Variants in ATAD2B observed in about 807,000 individuals in gnomAD.
The protein encoded by ATAD2B is ATPase family AAA domain-containing protein 2B.
In ATAD2B, 40 loss-of-function variants were observed where a neutral mutation model predicts 167.6. That is an observed-to-expected ratio of 0.24 (90% confidence interval 0.19 to 0.31). The LOEUF is 0.31. ATAD2B is among the 10% of genes least tolerant of loss of function. The pLI is 1.00. For missense variants in ATAD2B, 1,242 were observed against 1,757.2 expected, an observed-to-expected ratio of 0.71 and a Z score of 5.24; for synonymous variants, 579 against 596.5, an observed-to-expected ratio of 0.97 and a Z score of 0.43.
intron 12 of ATAD2B, among the ~76,000 whole-genome samples, chr2:23,862,499 C>A (rs1274267462): frequency 7.0e-6 from 1 of 143,116 alleles, no homozygotes; most frequent in Admixed American, 7.4e-5. Context: ...CAGCCTTGAA[C>A]TCCGGGGCTC....
chr2:23,799,035 A>G (rs1473458506), intron 18 of ATAD2B, among the ~76,000 whole-genome samples: 2 of 152,190 alleles, frequency 1.3e-5, no homozygotes, highest in Admixed American at 1.3e-4. Flanking sequence ...ACACACACCA[A>G]TAGGGACCAG....
chr2:23,894,090 A>G (rs1354184476), intron 2 of ATAD2B, among the ~76,000 whole-genome samples: 1 of 152,180 alleles, frequency 6.6e-6, no homozygotes, highest in Non-Finnish European at 1.5e-5. Context: ...TTTTAAAGAA[A>G]TATCTCACTC....
the ATAD2B span, chr2:23,690,544 C>T: frequency 3.9e-5 from 6 of 152,398 alleles, no homozygotes; most frequent in Admixed American, 2.6e-4. Flanking sequence ...TCCTGAGAAG[C>T]GAGTGAGTGG....
At chr2:23,704,129 A>T in the ATAD2B span, among the ~76,000 whole-genome samples, 3 of 152,192 alleles carry the variant, frequency 2.0e-5, no homozygotes, top group African/African-American at 7.2e-5. Context: ...CATCAAGGCT[A>T]CCCTGCTCTC....
rs577342438 is a variant in ATAD2B at position 23,918,114 on chromosome 2, C to T, written c.216+8441G>A. Among the ~76,000 whole-genome samples, 24 of 151,524 alleles carry T rather than the reference C, an allele frequency of 1.6e-4. 2 individuals carry two copies. The highest frequency in any genetic ancestry group is 5.8e-4 in the African/African-American group (24 of 41,326). On this transcript the variant is annotated intron_variant, in intron 1 of 27. Transcript: ENST00000238789. Reference sequence around the variant, plus strand: ...AGGAGCAGTAGCTCACTCCTGTAATCCCACACTTTAGGAAGCCAAGGCAGG... The same window carrying T: ...AGGAGCAGTAGCTCACTCCTGTAATTCCACACTTTAGGAAGCCAAGGCAGG...
chr2:23,718,811 G>A, the ATAD2B span, among the ~76,000 whole-genome samples: 27 of 152,188 alleles, frequency 1.8e-4, no homozygotes, highest in Non-Finnish European at 3.1e-4. Context: ...CAGAGGCCGC[G>A]TGTACTTCCT....
chr2:23,908,796 A>G (rs1701838379), intron 1 of ATAD2B, among the ~76,000 whole-genome samples: 1 of 152,236 alleles, frequency 6.6e-6, no homozygotes, highest in Non-Finnish European at 1.5e-5. Context: ...ACCATGGAAT[A>G]CTATGCAGCC....
At chr2:23,774,446 C>G (rs1389316897) in intron 22 of ATAD2B, among the ~76,000 whole-genome samples, 1 of 152,132 alleles carries the variant, frequency 6.6e-6, no homozygotes, top group South Asian at 2.1e-4. Flanking sequence ...CAGCATGAGA[C>G]CTTGTCTCCA....
chr2:23,811,138 A>G (rs1214503972), intron 17 of ATAD2B: 2 of 152,182 alleles, frequency 1.3e-5, no homozygotes, highest in African/African-American at 2.4e-5. Context: ...GATGCATTAA[A>G]CTCCAGTATC....
the ATAD2B span, among the ~76,000 whole-genome samples, chr2:23,719,047 G>A: frequency 1.3e-5 from 2 of 152,128 alleles, no homozygotes; most frequent in Admixed American, 6.5e-5. Context: ...CTGGGGATTC[G>A]GCCATGGACA....
At chr2:23,843,746 A>G (rs1691304038) in intron 13 of ATAD2B, among the ~76,000 whole-genome samples, 1 of 152,210 alleles carries the variant, frequency 6.6e-6, no homozygotes, top group African/African-American at 2.4e-5. Context: ...AAAAACACTC[A>G]GAAGAACTAG....
At chr2:23,758,957 A>G (rs1676292489) in intron 24 of ATAD2B, among the ~76,000 whole-genome samples, 1 of 152,166 alleles carries the variant, frequency 6.6e-6, no homozygotes, top group Non-Finnish European at 1.5e-5. Context: ...TGGACCCTGG[A>G]ATTTTTAATT....
the ATAD2B span, among the ~76,000 whole-genome samples, chr2:23,686,863 T>C: frequency 6.6e-6 from 1 of 151,212 alleles, no homozygotes; most frequent in Non-Finnish European, 1.5e-5. Context: ...AAGCCCAGGG[T>C]GCCCTGTGGC....
At chr2:23,838,537 T>G (rs1489160757) in intron 13 of ATAD2B, among the ~76,000 whole-genome samples, 1 of 152,216 alleles carries the variant, frequency 6.6e-6, no homozygotes, top group African/African-American at 2.4e-5. Context: ...TCCAAACTAT[T>G]TGACACAATA....
chr2:23,834,788 C>T (rs2149753822), intron 13 of ATAD2B, among the ~76,000 whole-genome samples: 1 of 152,198 alleles, frequency 6.6e-6, no homozygotes, highest in East Asian at 1.9e-4. Context: ...CGCGGTGGTG[C>T]ATGCCTATAA....
At chr2:23,696,438 A>G in the ATAD2B span, 2 of 1,551,206 alleles carry the variant, frequency 1.3e-6, no homozygotes, top group African/African-American at 1.4e-5. This position sits in a 1 kb window ranked among gnomAD's most constrained non-coding sequence, Gnocchi z 5.5. Flanking sequence ...TGTCGGCACA[A>G]TAGCCTCGTC....
the ATAD2B span, among the ~76,000 whole-genome samples, chr2:23,686,932 T>C: frequency 2.6e-5 from 4 of 152,078 alleles, no homozygotes; most frequent in Non-Finnish European, 4.4e-5. Flanking sequence ...AGTGCCTTCT[T>C]GGGAGGAAAG....
intron 1 of ATAD2B, among the ~76,000 whole-genome samples, chr2:23,912,882 G>T (rs1009797994): frequency 6.6e-6 from 1 of 152,126 alleles, no homozygotes; most frequent in African/African-American, 2.4e-5. Context: ...TGTAATTTCA[G>T]CTACTCGGGA....
intron 10 of ATAD2B, 102 bp downstream of exon 10, chr2:23,867,733 T>G (rs572618302): frequency 1.1e-4 from 84 of 782,738 alleles, no homozygotes; most frequent in Middle Eastern, 4.8e-4. Context: ...ACATTAACAC[T>G]GTCATATCCG....
Sources: allele counts gnomAD v4.1 joint callset (sites outside exome capture counted in the v4.1 genomes callset), GRCh38; gene constraint gnomAD v4.1.1; non-coding constraint Gnocchi (gnomAD v3.1); transcripts MANE v1.5; gene names NCBI Gene and HGNC (gene_info 2026-07-23, HGNC 2026-07-21).